EPB41L2: variants seen among roughly 807,000 people sequenced by gnomAD.
EPB41L2 encodes band 4.1-like protein 2.
In EPB41L2, 43 loss-of-function variants were observed where a neutral mutation model predicts 113.0. That is an observed-to-expected ratio of 0.38 (90% CI 0.30 to 0.49). The LOEUF is 0.49. Among genes scored for constraint, EPB41L2 ranks in the 20% least tolerant of loss-of-function variants. The pLI, the probability that EPB41L2 is intolerant of heterozygous loss-of-function variation, is 0.95. For synonymous variants in EPB41L2, 442 were observed against 436.7 expected, an observed-to-expected ratio of 1.01 and a Z score of -0.15; for missense variants, 1,147 against 1,223.4, an observed-to-expected ratio of 0.94 and a Z score of 0.93.
intron 1 of EPB41L2, among the ~76,000 whole-genome samples, chr6:130,978,296 G>A (rs1426572593): frequency 6.6e-6 from 1 of 152,254 alleles, no homozygotes; most frequent in Non-Finnish European, 1.5e-5. Flanking sequence ...CCAGAGTGTG[G>A]TGGGGAGGTA....
chr6:130,873,415 C>T (rs1786401884), intron 14 of EPB41L2, among the ~76,000 whole-genome samples: 1 of 152,032 alleles, frequency 6.6e-6, no homozygotes, highest in Admixed American at 6.5e-5. Context: ...CATGAAGCAC[C>T]CCCTCATGTC....
intron 15 of EPB41L2, chr6:130,867,970 ACACT>A (rs1402979715): frequency 0.011 from 1,159 of 102,504 alleles, 11 homozygotes; most frequent in African/African-American, 0.044. Context: ...ACACACACAC[ACACT>A]CTCTCTCTCT....
intron 1 of EPB41L2, among the ~76,000 whole-genome samples, chr6:130,971,532 C>T (rs770806813): frequency 9.2e-5 from 14 of 152,296 alleles, no homozygotes; most frequent in Non-Finnish European, 1.5e-4. Context: ...ATCACCAAGC[C>T]GGCTACTAAG....
At chr6:131,037,925 T>C (rs748644909) in intron 1 of EPB41L2, among the ~76,000 whole-genome samples, 4 of 152,108 alleles carry the variant, frequency 2.6e-5, no homozygotes, top group Non-Finnish European at 4.4e-5. Context: ...ATATTCAAGG[T>C]GGAAAAAATC....
At chr6:130,917,865 C>T (rs1801632495) in intron 4 of EPB41L2, among the ~76,000 whole-genome samples, 1 of 152,198 alleles carries the variant, frequency 6.6e-6, no homozygotes, top group African/African-American at 2.4e-5. Flanking sequence ...CCATGCCTTC[C>T]TCACTTGCTT....
At chr6:130,867,368 G>C (rs1317062749) in intron 16 of EPB41L2, 91 bp downstream of exon 16, 8 of 1,516,880 alleles carry the variant, frequency 5.3e-6, no homozygotes, top group Non-Finnish European at 7.1e-6. Flanking sequence ...ATCAAAGCCA[G>C]AAACATGTAA....
chr6:130,842,625 C>T (rs1432600991), intron 19 of EPB41L2, among the ~76,000 whole-genome samples: 1 of 152,104 alleles, frequency 6.6e-6, no homozygotes, highest in African/African-American at 2.4e-5. Flanking sequence ...TTTCTCTAGG[C>T]CCTATGTCAC....
intron 1 of EPB41L2, among the ~76,000 whole-genome samples, chr6:130,995,298 G>T (rs1782832015): frequency 6.6e-6 from 1 of 151,992 alleles, no homozygotes; most frequent in South Asian, 2.1e-4. Context: ...TCGCACCACA[G>T]CACTCCAGCC....
chr6:130,907,337 T>C lies in EPB41L2; in HGVS notation c.853+1484A>G, dbSNP rs1192424710. 2.0e-5 allele frequency among the ~76,000 whole-genome samples: 3 copies of C among 152,360 alleles called. No individual in the cohort carries two copies. In the East Asian group the frequency reaches 5.8e-4, roughly 29 times the overall value. On this transcript the variant is annotated intron_variant, in intron 5 of 19. Coordinates refer to ENST00000337057, the MANE Select transcript of EPB41L2 (RefSeq NM_001431.4). ...TACTGTTTCTTCCATAAGGTAAGCA[T>C]AATGTATCTGGTGTCTACTTATTCC...
At chr6:131,035,769 T>C in intron 1 of EPB41L2, among the ~76,000 whole-genome samples, 1 of 152,210 alleles carries the variant, frequency 6.6e-6, no homozygotes. Context: ...AATATCTATG[T>C]GTGCTTGTGA....
intron 3 of EPB41L2, among the ~76,000 whole-genome samples, chr6:130,927,712 T>C (rs1391289166): frequency 6.6e-6 from 1 of 152,204 alleles, no homozygotes; most frequent in African/African-American, 2.4e-5. Flanking sequence ...AAGCCTCTTA[T>C]GGTAACATTT....
chr6:130,986,811 T>C (rs1229713616), intron 1 of EPB41L2, among the ~76,000 whole-genome samples: 1 of 152,214 alleles, frequency 6.6e-6, no homozygotes, highest in Non-Finnish European at 1.5e-5. Flanking sequence ...CACTGAACTG[T>C]ATATTTTAAA....
intron 9 of EPB41L2, 30 bp from the exon 10 acceptor site, chr6:130,894,471 T>C: frequency 2.5e-6 from 4 of 1,594,054 alleles, no homozygotes; most frequent in East Asian, 2.2e-5. Context: ...CAAATCAGCA[T>C]ATTTCCTTAA....
intron 4 of EPB41L2, among the ~76,000 whole-genome samples, chr6:130,916,720 G>A (rs1433100204): frequency 2.6e-5 from 4 of 152,182 alleles, no homozygotes; most frequent in Non-Finnish European, 5.9e-5. Flanking sequence ...TTAAAGGTGC[G>A]TATGAATCAC....
chr6:130,895,128 C>T lies in EPB41L2; in HGVS notation c.1237-9G>A, dbSNP rs1422849460. 3 of 1,600,354 alleles carry T rather than the reference C, an allele frequency of 1.9e-6. No individual in the cohort carries two copies. The highest frequency in any genetic ancestry group is 2.7e-5 in the African/African-American group (2 of 74,428). On this transcript the variant is annotated splice_polypyrimidine_tract_variant and intron_variant, in intron 8 of 19. Coordinates refer to ENST00000337057, the MANE Select transcript of EPB41L2 (RefSeq NM_001431.4). ...TCCACACCTTCTGAGTCCTGCCAAG[C>T]ATAACCCAATTAACCATGGTTAAGA...
chr6:131,013,300 A>T (rs1217320670), intron 1 of EPB41L2, among the ~76,000 whole-genome samples: 1 of 152,074 alleles, frequency 6.6e-6, no homozygotes. Context: ...AAGATGCCAA[A>T]ATTTACTTCA....
chr6:130,953,186 A>G (rs751182992), intron 3 of EPB41L2, among the ~76,000 whole-genome samples: 7 of 151,902 alleles, frequency 4.6e-5, no homozygotes, highest in Non-Finnish European at 7.4e-5. Flanking sequence ...GGGACATGCA[A>G]TCAAATATAA....
intron 1 of EPB41L2, among the ~76,000 whole-genome samples, chr6:131,009,109 C>T (rs185883866): frequency 6.6e-6 from 1 of 152,278 alleles, no homozygotes; most frequent in Non-Finnish European, 1.5e-5. Context: ...TCCAATCTCA[C>T]CTTGAATTGT....
At chr6:130,854,542 T>C (rs1421473999) in intron 19 of EPB41L2, among the ~76,000 whole-genome samples, 1 of 152,160 alleles carries the variant, frequency 6.6e-6, no homozygotes, top group Non-Finnish European at 1.5e-5. Context: ...AATGAATTCA[T>C]TTAAAAACTT....
Sources: gnomAD v4.1 joint callset for allele counts (sites outside exome capture counted in the v4.1 genomes callset) on GRCh38, gnomAD v4.1.1 for gene constraint, MANE v1.5 for transcripts, NCBI Gene and HGNC (gene_info 2026-07-23, HGNC 2026-07-21) for gene names.